The following ZFAND3 variants were observed in gnomAD, a reference collection of about 807,000 sequenced individuals.
ZFAND3 encodes AN1-type zinc finger protein 3.
Under a neutral mutation model 29.6 loss-of-function variants are expected in ZFAND3, and 10 were observed. That is an observed-to-expected ratio of 0.34 (90% confidence interval 0.21 to 0.57). ZFAND3 has a LOEUF of 0.57. Ranked by LOEUF, ZFAND3 falls within the 20% of genes least tolerant of loss-of-function variation. The pLI is 0.86. For missense variants in ZFAND3, 230 were observed against 304.5 expected (o/e 0.76, Z 1.82); for synonymous variants, 128 against 112.6 (o/e 1.14, Z -0.87).
chr6:37,901,141 A>G (rs539465116), intron 1 of ZFAND3, among the ~76,000 whole-genome samples: 3 of 152,252 alleles, frequency 2.0e-5, no homozygotes, highest in South Asian at 4.1e-4. Context: ...ATTTTTGGCA[A>G]TTCATTCTGG....
intron 1 of ZFAND3, among the ~76,000 whole-genome samples, chr6:37,845,607 A>G (rs899186121): frequency 6.6e-6 from 1 of 152,244 alleles, no homozygotes; most frequent in African/African-American, 2.4e-5. Flanking sequence ...GGTAACTTGC[A>G]GCATTTAGGA....
intron 2 of ZFAND3, among the ~76,000 whole-genome samples, chr6:37,955,490 T>G (rs1762072454): frequency 6.6e-6 from 1 of 152,184 alleles, no homozygotes; most frequent in Non-Finnish European, 1.5e-5. Flanking sequence ...TAGTATTATA[T>G]TTGAGCTTTT....
At chr6:37,851,031 T>A (rs1764270191) in intron 1 of ZFAND3, among the ~76,000 whole-genome samples, 1 of 151,514 alleles carries the variant, frequency 6.6e-6, no homozygotes, top group Non-Finnish European at 1.5e-5. Flanking sequence ...GCTTCCTGCT[T>A]GGCCTCTTGC....
At chr6:38,111,073 G>A (rs1765306408) in intron 4 of ZFAND3, among the ~76,000 whole-genome samples, 1 of 152,224 alleles carries the variant, frequency 6.6e-6, no homozygotes. Context: ...TTTAAAAGAA[G>A]TAGCTCTGTT....
At chr6:37,960,377 A>T (rs1436429662) in intron 2 of ZFAND3, among the ~76,000 whole-genome samples, 1 of 152,214 alleles carries the variant, frequency 6.6e-6, no homozygotes, top group Non-Finnish European at 1.5e-5. Flanking sequence ...GTTTAGTGTG[A>T]CAAACATTTC....
intron 2 of ZFAND3, among the ~76,000 whole-genome samples, chr6:37,967,520 T>C (rs565054729): frequency 7.2e-4 from 110 of 152,344 alleles, no homozygotes; most frequent in Non-Finnish European, 9.6e-4. Context: ...CTCATTACCA[T>C]TGGGGTGTTG....
chr6:38,114,384 C>T lies in ZFAND3; in HGVS notation c.362-2188C>T, dbSNP rs183895906. On this transcript the variant is annotated intron_variant, in intron 4 of 5. Coordinates refer to ENST00000287218, the MANE Select transcript of ZFAND3 (RefSeq NM_021943.3). ...GTTGCTCTTGTAGAAGAAGGGAGAG[C>T]GCCTGCCCTATCTGTAGCCACCTTA... 9.2e-5 allele frequency among the ~76,000 whole-genome samples: 14 copies of T among 152,302 alleles called. No homozygotes were observed. In the East Asian group the frequency reaches 2.5e-3, roughly 27 times the overall value.
chr6:37,834,466 T>C (rs1319961126), intron 1 of ZFAND3, among the ~76,000 whole-genome samples: 1 of 152,198 alleles, frequency 6.6e-6, no homozygotes, highest in African/African-American at 2.4e-5. Flanking sequence ...AACATCTGTG[T>C]GCAGGTTTTT....
intron 2 of ZFAND3, among the ~76,000 whole-genome samples, chr6:37,949,541 C>T (rs1457023026): frequency 6.6e-6 from 1 of 152,200 alleles, no homozygotes; most frequent in Non-Finnish European, 1.5e-5. Flanking sequence ...TTCCCCAAGA[C>T]TGCTCCCTCC....
intron 2 of ZFAND3, among the ~76,000 whole-genome samples, chr6:37,972,085 T>G (rs1762398398): frequency 6.6e-6 from 1 of 151,860 alleles, no homozygotes; most frequent in Non-Finnish European, 1.5e-5. Context: ...GTATGCTGAG[T>G]TTTTCTACCA....
intron 1 of ZFAND3, among the ~76,000 whole-genome samples, chr6:37,843,139 A>AG (rs1464473586): frequency 1.3e-5 from 2 of 149,424 alleles, no homozygotes; most frequent in Admixed American, 6.7e-5. Context: ...AAAAAAAAAA[A>AG]TCTTAATTTC....
At chr6:37,841,544 C>T (rs1298256079) in intron 1 of ZFAND3, among the ~76,000 whole-genome samples, 4 of 152,134 alleles carry the variant, frequency 2.6e-5, no homozygotes, top group South Asian at 2.1e-4. Flanking sequence ...AGTGCGGTGG[C>T]GCGAACTTGG....
chr6:37,835,533 A>G (rs1763951609), intron 1 of ZFAND3, among the ~76,000 whole-genome samples: 1 of 144,276 alleles, frequency 6.9e-6, no homozygotes, highest in Admixed American at 7.1e-5. Context: ...CATGTACTGT[A>G]TGGTTTTGTA....
At chr6:37,871,752 C>T (rs1474963621) in intron 1 of ZFAND3, among the ~76,000 whole-genome samples, 1 of 152,064 alleles carries the variant, frequency 6.6e-6, no homozygotes, top group Non-Finnish European at 1.5e-5. Context: ...GTCATGTTTT[C>T]CTGTTTCTTT....
intron 2 of ZFAND3, among the ~76,000 whole-genome samples, chr6:37,982,321 C>T (rs2127432755): frequency 6.6e-6 from 1 of 151,464 alleles, no homozygotes; most frequent in African/African-American, 2.4e-5. Context: ...TTTTGGGGTC[C>T]CGAGATATAT....
chr6:37,830,806 T>C (rs556784593), intron 1 of ZFAND3, among the ~76,000 whole-genome samples: 1 of 152,228 alleles, frequency 6.6e-6, no homozygotes, highest in Non-Finnish European at 1.5e-5. Flanking sequence ...TTTAACTTGC[T>C]CTTCTTAGAA....
intron 5 of ZFAND3, chr6:38,143,313 T>C (rs1347657170): frequency 6.6e-6 from 1 of 152,256 alleles, no homozygotes; most frequent in Non-Finnish European, 1.5e-5. Context: ...ACAAACTGCA[T>C]GGGGAGCTTC....
chr6:37,853,668 T>C (rs1764324479), intron 1 of ZFAND3, among the ~76,000 whole-genome samples: 1 of 152,182 alleles, frequency 6.6e-6, no homozygotes, highest in Non-Finnish European at 1.5e-5. Context: ...TAAAATATAA[T>C]ATGGTTTTAG....
chr6:37,825,955 T>G (rs1044944042), intron 1 of ZFAND3, among the ~76,000 whole-genome samples: 1 of 152,210 alleles, frequency 6.6e-6, no homozygotes, highest in African/African-American at 2.4e-5. Context: ...TGATGTAGTA[T>G]TTTGAATTCT....
Sources: gnomAD v4.1 joint callset for allele counts (sites outside exome capture counted in the v4.1 genomes callset) on GRCh38, gnomAD v4.1.1 for gene constraint, MANE v1.5 for transcripts, NCBI Gene and HGNC (gene_info 2026-07-23, HGNC 2026-07-21) for gene names.